NUBPL: variants seen among roughly 807,000 people sequenced by gnomAD.
The protein encoded by NUBPL is NUBP iron-sulfur cluster assembly factor, mitochondrial, also known as iron-sulfur cluster transfer protein NUBPL.
A neutral mutation model predicts 45.7 loss-of-function variants in NUBPL; 31 were observed. The ratio of observed to expected loss-of-function variants is 0.68; its 90% confidence interval spans 0.51 to 0.92. The LOEUF (loss-of-function observed/expected upper bound fraction) is 0.92, where lower values mean the gene tolerates loss of function less well. Among genes scored for constraint, NUBPL ranks in the 40% least tolerant of loss-of-function variants. The pLI is 0.00. For synonymous variants in NUBPL, 144 were observed against 140.9 expected (o/e 1.02, Z -0.15); for missense variants, 401 against 398.7 (o/e 1.01, Z -0.05).
intron 6 of NUBPL, among the ~76,000 whole-genome samples, chr14:31,783,752 A>G (rs1284626093): frequency 6.6e-6 from 1 of 152,194 alleles, no homozygotes; most frequent in Non-Finnish European, 1.5e-5. Flanking sequence ...TCCTGACCTC[A>G]AGTGATACGT....
Position 31,645,777 on chromosome 14 carries a change from C to CG in NUBPL, c.383-27578_383-27577insG, listed in dbSNP as rs1555323292. ...TTTTAAAACTTCTATACTTTACACCCCCCCCCCCACATTTTGACTTTTGTT... is the reference window on the plus strand; with the variant it reads ...TTTTAAAACTTCTATACTTTACACCCGCCCCCCCCACATTTTGACTTTTGTT... On this transcript the variant is annotated intron_variant, in intron 4 of 10. Coordinates refer to ENST00000281081, the MANE Select transcript of NUBPL (RefSeq NM_025152.3). 4.1e-4 allele frequency among the ~76,000 whole-genome samples: 53 copies of CG among 128,740 alleles called. 2 individuals are homozygous for CG. The highest frequency in any genetic ancestry group is 4.1e-3 in the Admixed American group (52 of 12,718). 84.5% of individuals were successfully genotyped at this position (128,740 alleles called of 152,430 possible).
intron 4 of NUBPL, among the ~76,000 whole-genome samples, chr14:31,627,972 G>A (rs1316283459): frequency 6.6e-6 from 1 of 152,108 alleles, no homozygotes. Flanking sequence ...GAGTGGCATT[G>A]TTTATGTTTT....
chr14:31,668,796 G>A lies in NUBPL; in HGVS notation c.383-4559G>A, dbSNP rs534639431. ...GGGCTTCCCTTGGCTAAGGGAGGGAGGTCCCCAGCCCCTTGCACTTCCCAG... is the reference window on the plus strand; with the variant it reads ...GGGCTTCCCTTGGCTAAGGGAGGGAAGTCCCCAGCCCCTTGCACTTCCCAG... On this transcript the variant is annotated intron_variant, in intron 4 of 10. Transcript: ENST00000281081. Among the ~76,000 whole-genome samples, 16 of 152,286 alleles carry A rather than the reference G, an allele frequency of 1.1e-4. No homozygotes were observed. The East Asian group carries it at 2.1e-3, about 20-fold the overall frequency.
At chr14:31,760,320 AT>A (rs1398018378) in intron 6 of NUBPL, among the ~76,000 whole-genome samples, 2 of 151,478 alleles carry the variant, frequency 1.3e-5, no homozygotes, top group Non-Finnish European at 2.9e-5. Flanking sequence ...CACCTGGATA[AT>A]TTTTGTATTT....
chr14:31,638,591 A>G (rs1207651990), intron 4 of NUBPL, among the ~76,000 whole-genome samples: 2 of 152,006 alleles, frequency 1.3e-5, no homozygotes, highest in East Asian at 3.9e-4. Context: ...CTCGAGGAGT[A>G]TCTTTGTGGC....
At chr14:31,813,821 T>G (rs2039863616) in intron 7 of NUBPL, among the ~76,000 whole-genome samples, 1 of 152,158 alleles carries the variant, frequency 6.6e-6, no homozygotes, top group African/African-American at 2.4e-5. Context: ...TTGCTGAAAA[T>G]GATGATTTCC....
intron 7 of NUBPL, among the ~76,000 whole-genome samples, chr14:31,792,796 C>G (rs1355773976): frequency 6.6e-6 from 1 of 152,056 alleles, no homozygotes; most frequent in Non-Finnish European, 1.5e-5. Flanking sequence ...TGTGTTAAAG[C>G]CTTAGTTCCT....
intron 7 of NUBPL, among the ~76,000 whole-genome samples, chr14:31,788,852 C>G (rs550475684): frequency 6.6e-6 from 1 of 152,242 alleles, no homozygotes; most frequent in African/African-American, 2.4e-5. Flanking sequence ...CTGCTCATGT[C>G]TAGCTATCTG....
chr14:31,685,829 T>G (rs1359667789), intron 6 of NUBPL, among the ~76,000 whole-genome samples: 1 of 152,200 alleles, frequency 6.6e-6, no homozygotes, highest in African/African-American at 2.4e-5. Flanking sequence ...CAGTTTTTAG[T>G]GTTCATGAAA....
intron 8 of NUBPL, chr14:31,844,511 C>A (rs946218697): frequency 3.9e-5 from 6 of 152,188 alleles, no homozygotes; most frequent in African/African-American, 1.4e-4. Flanking sequence ...TGATAGTGTG[C>A]ATCAGCAAAA....
Position 31,716,260 on chromosome 14 carries a change from A to T in NUBPL, c.513+42686A>T, listed in dbSNP as rs529331146. Among the ~76,000 whole-genome samples, 6 of 152,304 alleles carry T rather than the reference A, an allele frequency of 3.9e-5. No homozygotes were observed. In the South Asian group the frequency reaches 1.2e-3, roughly 32 times the overall value. ...CTTTGTTTTCTTAATAAGGGAAGGA[A>T]TACACTCTATAGTAATGATAAAAAG... On this transcript the variant is annotated intron_variant, in intron 6 of 10. Coordinates refer to ENST00000281081, the MANE Select transcript of NUBPL (RefSeq NM_025152.3).
Position 31,742,386 on chromosome 14 carries a change from C to A in NUBPL, c.514-45394C>A, listed in dbSNP as rs115975697. Among the ~76,000 whole-genome samples, 992 of 152,192 alleles carry A rather than the reference C, an allele frequency of 6.5e-3. 11 individuals are homozygous for A. Among genetic ancestry groups the A allele is most frequent in the African/African-American group, 0.022 (929 of 41,508 alleles). On this transcript the variant is annotated intron_variant, in intron 6 of 10. Transcript: ENST00000281081. ...GTGACTTTCAAACTTGACTCTATGC[C>A]TGAATTACCTGGGATTCTTGTTAAG...
intron 3 of NUBPL, among the ~76,000 whole-genome samples, chr14:31,586,505 A>G (rs2139511464): frequency 6.6e-6 from 1 of 152,350 alleles, no homozygotes; most frequent in Admixed American, 6.5e-5. Flanking sequence ...ACTAGAAAGT[A>G]GTGCGGTGGA....
chr14:31,839,464 C>G (rs1346024941), intron 8 of NUBPL, among the ~76,000 whole-genome samples: 1 of 151,916 alleles, frequency 6.6e-6, no homozygotes, highest in African/African-American at 2.4e-5. Flanking sequence ...AAAATCAACC[C>G]AAAATGAAGT....
intron 8 of NUBPL, chr14:31,844,913 A>T (rs1470697658): frequency 2.6e-5 from 4 of 152,308 alleles, no homozygotes; most frequent in South Asian, 2.1e-4. Flanking sequence ...ATGAGTAAGG[A>T]TTATATTTGC....
In NUBPL at chr14:31,617,138, T is replaced by C. The variant is rs568151576; in HGVS notation, c.382+17759T>C. ...ACATTGGTTTTGTATCCTGAGACTT[T>C]GCTGAAGTTGCTTACCAGCTTAAGG... On this transcript the variant is annotated intron_variant, in intron 4 of 10. Coordinates refer to ENST00000281081, the MANE Select transcript of NUBPL (RefSeq NM_025152.3). 1.4e-4 allele frequency among the ~76,000 whole-genome samples: 22 copies of C among 152,346 alleles called. No homozygotes were observed. In the East Asian group the frequency reaches 2.1e-3, roughly 15 times the overall value.
chr14:31,631,223 T>C (rs747016661), intron 4 of NUBPL, among the ~76,000 whole-genome samples: 26 of 152,280 alleles, frequency 1.7e-4, no homozygotes, highest in Admixed American at 2.6e-4. Flanking sequence ...TCTAGTTTTT[T>C]ACAGGTGTCT....
At chr14:31,563,699 A>G (rs1595281190) in intron 2 of NUBPL, among the ~76,000 whole-genome samples, 1 of 152,230 alleles carries the variant, frequency 6.6e-6, no homozygotes, top group African/African-American at 2.4e-5. Context: ...TAGAATGATG[A>G]CATTTGACTA....
intron 6 of NUBPL, among the ~76,000 whole-genome samples, chr14:31,761,597 A>G (rs1310290371): frequency 1.3e-5 from 2 of 152,168 alleles, no homozygotes; most frequent in Non-Finnish European, 2.9e-5. Context: ...TTTCTCCCTT[A>G]GTAGTGAAGT....
Sources: gnomAD v4.1 joint callset for allele counts (sites outside exome capture counted in the v4.1 genomes callset) on GRCh38, gnomAD v4.1.1 for gene constraint, MANE v1.5 for transcripts, NCBI Gene and HGNC (gene_info 2026-07-23, HGNC 2026-07-21) for gene names.